WT1: variants seen among roughly 807,000 people sequenced by gnomAD.
WT1 encodes Wilms tumor protein.
Under a neutral mutation model 60.8 loss-of-function variants are expected in WT1, and 8 were observed. The observed-to-expected ratio is 0.13, with a 90% CI of 0.08 to 0.24. WT1 has a LOEUF of 0.24. Ranked by LOEUF, WT1 falls within the 10% of genes least tolerant of loss-of-function variation. The pLI is 1.00. For missense variants in WT1, 568 were observed against 711.8 expected (o/e 0.80, Z 2.30); for synonymous variants, 312 against 297.1 (o/e 1.05, Z -0.52).
intron 4 of WT1, 63 bp downstream of exon 4, chr11:32,417,514 T>G: frequency 1.4e-6 from 2 of 1,468,372 alleles, no homozygotes; most frequent in African/African-American, 2.8e-5. Flanking sequence ...TCTAAGCACC[T>G]TTGAAATGGT....
chr11:32,398,506 C>T (rs907550850), intron 6 of WT1, among the ~76,000 whole-genome samples: 5 of 152,196 alleles, frequency 3.3e-5, no homozygotes, highest in African/African-American at 1.2e-4. Context: ...TCTTCATGCT[C>T]CTTGGAGACT....
intron 3 of WT1, among the ~76,000 whole-genome samples, chr11:32,419,385 G>A (rs1852782423): frequency 1.3e-5 from 2 of 152,094 alleles, no homozygotes; most frequent in Admixed American, 1.3e-4. Flanking sequence ...GTATTCCCCA[G>A]GCAGCTCTAT....
At chr11:32,402,496 G>T (rs1229951535) in intron 5 of WT1, among the ~76,000 whole-genome samples, 2 of 152,246 alleles carry the variant, frequency 1.3e-5, no homozygotes, top group Non-Finnish European at 2.9e-5. Context: ...GTGAAGAGAA[G>T]CTGCCTTTGC....
At chr11:32,431,350 T>TG (rs1853302670) in intron 1 of WT1, among the ~76,000 whole-genome samples, 5 of 151,432 alleles carry the variant, frequency 3.3e-5, no homozygotes, top group Admixed American at 3.3e-4. Context: ...GACCCTAGGG[T>TG]GGCCTGATGA....
At chr11:32,392,126 G>A in intron 8 of WT1, 62 bp from the exon 9 acceptor site, 1 of 1,477,114 alleles carries the variant, frequency 6.8e-7, no homozygotes, top group Non-Finnish European at 9.5e-7. Flanking sequence ...AGGCCCACAA[G>A]GCTGACTTCC....
At chr11:32,390,117 A>G (rs977738143) in intron 9 of WT1, among the ~76,000 whole-genome samples, 3 of 152,166 alleles carry the variant, frequency 2.0e-5, no homozygotes, top group African/African-American at 4.8e-5. Flanking sequence ...TCTTCCCTGT[A>G]TCACACCTCC....
At chr11:32,392,642 G>A (rs2132918948) in intron 8 of WT1, 24 bp downstream of exon 8, 1 of 1,609,142 alleles carries the variant, frequency 6.2e-7, no homozygotes, top group Non-Finnish European at 8.5e-7. Flanking sequence ...ACAGCTGCCA[G>A]CAATGAGAAG....
At chr11:32,421,738 G>T (rs928046353) in intron 3 of WT1, among the ~76,000 whole-genome samples, 5 of 152,182 alleles carry the variant, frequency 3.3e-5, no homozygotes, top group Non-Finnish European at 7.3e-5. Flanking sequence ...AAAAGCCTCA[G>T]CTGTTATCTA....
chr11:32,428,424 TAGG>T (rs2133074543), intron 2 of WT1, 70 bp downstream of exon 2: 1 of 1,608,782 alleles, frequency 6.2e-7, no homozygotes, highest in East Asian at 2.2e-5. Flanking sequence ...TGCTGTGGGT[TAGG>T]AATTCCTGGG....
chr11:32,395,328 C>T (rs1184544731), intron 7 of WT1, among the ~76,000 whole-genome samples: 2 of 152,208 alleles, frequency 1.3e-5, no homozygotes, highest in African/African-American at 2.4e-5. Flanking sequence ...CCAGAGTAAA[C>T]GTTCTGTGAC....
intron 3 of WT1, among the ~76,000 whole-genome samples, chr11:32,419,860 AT>A (rs1456827552): frequency 6.6e-6 from 1 of 152,100 alleles, no homozygotes; most frequent in Non-Finnish European, 1.5e-5. Context: ...TGCCCGGCTA[AT>A]TTTTGTATTT....
At chr11:32,416,627 C>T in intron 4 of WT1, 87 bp from the exon 5 acceptor site, 2 of 1,496,348 alleles carry the variant, frequency 1.3e-6, no homozygotes, top group Non-Finnish European at 1.9e-6. Flanking sequence ...AGTGAAAAGC[C>T]CCTCAATACA....
At chr11:32,430,402 A>T in intron 1 of WT1, 2 of 1,304,942 alleles carry the variant, frequency 1.5e-6, no homozygotes, top group Admixed American at 2.3e-5. Flanking sequence ...AAGGACACTA[A>T]AAAGAGAGAG....
rs1157443228 is a variant in WT1, at chr11:32,388,612, TA to T, written c.*445del. ...ATTTATTTCTTGCTGTTGCTGTTAG[TA>T]AATGGAAACCATGACAAAGTTTACA... is the stretch of plus-strand genomic sequence containing the variant. On this transcript the variant is annotated 3_prime_UTR_variant, in exon 10 of 10. Coordinates refer to ENST00000452863, the MANE Select transcript of WT1 (RefSeq NM_024426.6). 3 of 254,516 alleles carry T rather than the reference TA, an allele frequency of 1.2e-5. No individual in the cohort carries two copies. The highest frequency in any genetic ancestry group is 2.3e-5 in the Non-Finnish European group (3 of 129,886). 15.8% of individuals were successfully genotyped at this position (254,516 alleles called of 1,614,324 possible).
rs571231090 is a variant in WT1 at position 32,419,781 on chromosome 11, T to C, written c.888-2127A>G. On this transcript the variant is annotated intron_variant, in intron 3 of 9. Transcript: ENST00000452863. ...CTATTTCAGTTCGCTGCAACCTCAG[T>C]CTCCCATGCGCAAGCAATTCTCCTG... Among the ~76,000 whole-genome samples, 5 of 152,278 alleles carry C rather than the reference T, an allele frequency of 3.3e-5. No individual in the cohort carries two copies. The South Asian group carries it at 1.0e-3, about 32-fold the overall frequency.
intron 5 of WT1, among the ~76,000 whole-genome samples, chr11:32,416,245 C>T (rs1221645187): frequency 6.6e-6 from 1 of 152,010 alleles, no homozygotes; most frequent in African/African-American, 2.4e-5. Context: ...AAGAAATGAA[C>T]AGGATGCTGC....
In WT1 at chr11:32,394,527, G is replaced by A. The variant is rs945101820; in HGVS notation, c.1264+1730C>T. 5.1e-4 allele frequency among the ~76,000 whole-genome samples: 78 copies of A among 152,068 alleles called. 1 individual carries two copies. The highest frequency in any genetic ancestry group is 1.8e-3 in the African/African-American group (73 of 41,394). On this transcript the variant is annotated intron_variant, in intron 7 of 9. Coordinates refer to ENST00000452863, the MANE Select transcript of WT1 (RefSeq NM_024426.6). ...AAACCAGGAACTCTTTGAGAAGGAG[G>A]ATTATAACCTGCAGTTAAAAAGAAG...
At chr11:32,404,095 A>G (rs1364678978) in intron 5 of WT1, among the ~76,000 whole-genome samples, 1 of 149,486 alleles carries the variant, frequency 6.7e-6, no homozygotes, top group Non-Finnish European at 1.5e-5. Flanking sequence ...ACCATTGTGA[A>G]ACCCATCTCT....
rs1366922803 is a variant in WT1 at position 32,430,451 on chromosome 11, G to GGGTAGA, written c.662-1833_662-1832insTCTACC. ...CAGACACAGAGAGAGAGAGAGAGAGGGAGGGAGAGAGAGAGAGAGAGAGAG... is the reference window on the plus strand; with the variant it reads ...CAGACACAGAGAGAGAGAGAGAGAGGGGTAGAGAGGGAGAGAGAGAGAGAGAGAGAG... On this transcript the variant is annotated intron_variant, in intron 1 of 9. Transcript: ENST00000452863. The GGGTAGA allele has an allele frequency of 7.2e-4, 665 of 923,626 alleles. 6 individuals carry two copies. In the African/African-American group the frequency reaches 0.02, roughly 28 times the overall value. The allele number at this position is 923,626 out of a possible 1,614,324, so 57.2% of individuals were successfully genotyped here.
Sources: allele counts gnomAD v4.1 joint callset (sites outside exome capture counted in the v4.1 genomes callset), GRCh38; gene constraint gnomAD v4.1.1; transcripts MANE v1.5; gene names NCBI Gene and HGNC (gene_info 2026-07-23, HGNC 2026-07-21).